The following SEC16B variants were observed in gnomAD, a reference collection of about 807,000 sequenced individuals.
SEC16B encodes SEC16 homolog B, endoplasmic reticulum export factor, also known as protein transport protein Sec16B.
SEC16B carries 115 observed loss-of-function variants against 141.8 expected under a neutral mutation model. That is an observed-to-expected ratio of 0.81 (90% CI 0.70 to 0.95). The LOEUF (loss-of-function observed/expected upper bound fraction) is 0.95. Among genes scored for constraint, SEC16B ranks in the 40% least tolerant of loss-of-function variants. The pLI, the probability that SEC16B is intolerant of heterozygous loss-of-function variation, is 0.00. For synonymous variants in SEC16B, 493 were observed against 492.5 expected, an observed-to-expected ratio of 1.00 and a Z score of -0.01; for missense variants, 1,291 against 1,312.3, an observed-to-expected ratio of 0.98 and a Z score of 0.25.
At chr1:177,960,974 C>A in intron 6 of SEC16B, 35 bp from the exon 7 acceptor site, 1 of 1,562,114 alleles carries the variant, frequency 6.4e-7, no homozygotes, top group Non-Finnish European at 8.7e-7. Context: ...ACATTGTTAG[C>A]GTTACTTCCA....
intron 11 of SEC16B, among the ~76,000 whole-genome samples, chr1:177,952,299 T>A (rs4652282): frequency 0.79 from 120,373 of 152,062 alleles, 48,488 homozygotes; most frequent in African/African-American, 0.95. Flanking sequence ...GAGATGACCC[T>A]CTGACATCTC....
At chr1:177,931,866 G>T (rs923928818) in intron 24 of SEC16B, among the ~76,000 whole-genome samples, 1 of 152,150 alleles carries the variant, frequency 6.6e-6, no homozygotes, top group Non-Finnish European at 1.5e-5. Flanking sequence ...AACTCATCAA[G>T]AATTTGTCAC....
intron 1 of SEC16B, chr1:177,984,083 G>C (rs1408019669): frequency 6.6e-6 from 1 of 152,166 alleles, no homozygotes; most frequent in South Asian, 2.1e-4. Flanking sequence ...TTCTGGTTGA[G>C]ACCAAATGCT....
chr1:177,978,812 A>C (rs185369211), intron 1 of SEC16B, among the ~76,000 whole-genome samples: 5 of 152,244 alleles, frequency 3.3e-5, no homozygotes, highest in African/African-American at 1.2e-4. Flanking sequence ...TTATCATAGC[A>C]GTTCATATTT....
At chr1:177,934,406 T>G (rs1159756682) in intron 20 of SEC16B, among the ~76,000 whole-genome samples, 5 of 152,356 alleles carry the variant, frequency 3.3e-5, no homozygotes, top group Non-Finnish European at 4.4e-5. Flanking sequence ...TGCCCTCTTC[T>G]GTTATATTTA....
chr1:177,942,212 A>G (rs573110017), intron 15 of SEC16B, among the ~76,000 whole-genome samples, 172 bp from the exon 16 acceptor site: 1 of 152,368 alleles, frequency 6.6e-6, no homozygotes, highest in African/African-American at 2.4e-5. Flanking sequence ...GCACAACTCC[A>G]AATCCAGCCT....
intron 19 of SEC16B, 123 bp downstream of exon 19, chr1:177,937,091 C>G: frequency 9.5e-7 from 1 of 1,056,250 alleles, no homozygotes; most frequent in African/African-American, 1.6e-5. Context: ...CACACATCCA[C>G]GCATCTGTGT....
At chr1:177,939,500 C>T (rs184081358) in intron 18 of SEC16B, among the ~76,000 whole-genome samples, 3 of 152,312 alleles carry the variant, frequency 2.0e-5, no homozygotes, top group Admixed American at 2.0e-4. Context: ...GAAGCTCAGA[C>T]TGAGGGAACT....
chr1:177,965,849 C>A, intron 3 of SEC16B, 44 bp downstream of exon 3: 1 of 1,250,428 alleles, frequency 8.0e-7, no homozygotes. Flanking sequence ...AGACCAGCTG[C>A]CCCATCCCCA....
intron 24 of SEC16B, 141 bp from the exon 25 acceptor site, chr1:177,930,784 A>G (rs767341040): frequency 1.9e-5 from 10 of 525,074 alleles, no homozygotes; most frequent in Non-Finnish European, 3.4e-5. Flanking sequence ...TCCAAAGGAC[A>G]TGAATATGCA....
Position 177,958,980 on chromosome 1 carries a change from A to G in SEC16B, c.999-5T>C, listed in dbSNP as rs776486163. 3.7e-5 allele frequency: 60 copies of G among 1,611,602 alleles called. No homozygotes were observed. The highest frequency in any genetic ancestry group is 5.0e-5 in the Non-Finnish European group (59 of 1,178,978). ...TCCACCTTATGTACATCTTCCCTAC[A>G]TGGAAAAAATTTAGGGAGCAAAGAG... On this transcript the variant is annotated splice_region_variant and splice_polypyrimidine_tract_variant and intron_variant, in intron 8 of 25. Coordinates refer to ENST00000308284, the MANE Select transcript of SEC16B (RefSeq NM_033127.4).
At chr1:177,971,438 T>C (rs1653947296), upstream of SEC16B, 1 of 152,118 alleles carries the variant, frequency 6.6e-6, no homozygotes, top group South Asian at 2.1e-4. Context: ...ATGGCTGCAC[T>C]GTTGTTTTTA....
Position 177,960,777 on chromosome 1 carries a change from T to C in SEC16B, c.936+14A>G, listed in dbSNP as rs199677138. On this transcript the variant is annotated intron_variant, in intron 7 of 25. Transcript: ENST00000308284. ...CAGTGTGCCAGCATTCCAGGGACACTGGGTCTTCTTTACCTCCATGCTGTG... is the reference window on the plus strand; with the variant it reads ...CAGTGTGCCAGCATTCCAGGGACACCGGGTCTTCTTTACCTCCATGCTGTG... 92 of 1,597,530 alleles carry C rather than the reference T, an allele frequency of 5.8e-5. No homozygotes were observed. In the Middle Eastern group the frequency reaches 2.9e-3, roughly 50 times the overall value.
At chr1:177,979,544 A>G (rs900301132) in intron 1 of SEC16B, among the ~76,000 whole-genome samples, 10 of 152,226 alleles carry the variant, frequency 6.6e-5, no homozygotes, top group African/African-American at 2.2e-4. Flanking sequence ...TAGCAGGACA[A>G]TTTCCATAGA....
chr1:177,974,614 C>G (rs1387543331), upstream of SEC16B, among the ~76,000 whole-genome samples: 1 of 152,074 alleles, frequency 6.6e-6, no homozygotes, highest in Non-Finnish European at 1.5e-5. Context: ...CTTAACGGAA[C>G]AATTTCAGTA....
Position 177,947,770 on chromosome 1 carries a change from G to GAGGTGAGGGGAGGGACAGGGAGGGA in SEC16B, c.1663+54_1663+55insTCCCTCCCTGTCCCTCCCCTCACCT. 15 of 1,035,428 alleles carry GAGGTGAGGGGAGGGACAGGGAGGGA rather than the reference G, an allele frequency of 1.4e-5. No individual in the cohort carries two copies. In the South Asian group the frequency reaches 2.1e-4, roughly 14 times the overall value. The allele number at this position is 1,035,428 out of a possible 1,614,324, so 64.1% of individuals were successfully genotyped here. A position where few individuals can be genotyped will look rare whatever the true frequency, so the allele number is the denominator to read the frequency against. ...GAGGTGAGGAAAGGGACAGGGAGGG[G>GAGGTGAGGGGAGGGACAGGGAGGGA]AGGGGAGGGAAGGGACAGGGAGGGG... On this transcript the variant is annotated intron_variant, in intron 13 of 25. Transcript: ENST00000308284.
rs1280355421 is a variant in SEC16B, at chr1:177,940,618, G to C, written c.2119C>G (p.Gln707Glu). 1.9e-6 allele frequency: 3 copies of C among 1,612,908 alleles called. No homozygotes were observed. The highest frequency in any genetic ancestry group is 1.7e-6 in the Non-Finnish European group (2 of 1,179,116). ...EPDWLAQLRRQLEQKVAGDIG... is the reference protein window; with the variant it reads ...EPDWLAQLRRELEQKVAGDIG... ...GCTCCAATCCCACTCACCTCCAGCT[G>C]CCTCCGAAGTTGCGCTAGCCAATCT... is the stretch of plus-strand genomic sequence containing the variant. The change falls in exon 17 of 26, where the codon CAG (glutamine) becomes GAG (glutamate). Residue 707 changes from glutamine (Q) to glutamate (E), a missense_variant. Transcript: ENST00000308284.
chr1:177,982,982 T>C (rs1222118115), intron 1 of SEC16B, among the ~76,000 whole-genome samples: 2 of 152,194 alleles, frequency 1.3e-5, no homozygotes, highest in Admixed American at 1.3e-4. Context: ...AACATTACAC[T>C]GTAAATGGGC....
Position 177,933,246 on chromosome 1 carries a change from C to T in SEC16B, c.2791G>A (p.Asp931Asn). Residue 931 changes from aspartate (D) to asparagine (N), a missense_variant, in exon 22 of 26, where the codon GAC becomes AAC. By Grantham distance (23) the Asp-to-Asn change is conservative. Transcript: ENST00000308284. Reference protein sequence around the residue: ...KPTKNASPAGDEDSSDSPDSE... With the variant: ...KPTKNASPAGNEDSSDSPDSE... ...TCAGGGCTGTCTGAGGAGTCCTCGT[C>T]TCCAGCGGGGGATGCGTTCTTGGTG... is the stretch of plus-strand genomic sequence containing the variant. 4 of 1,595,058 alleles carry T rather than the reference C, an allele frequency of 2.5e-6. No individual in the cohort carries two copies. The highest frequency in any genetic ancestry group is 3.4e-6 in the Non-Finnish European group (4 of 1,170,790).
Sources: gnomAD v4.1 joint callset for allele counts (sites outside exome capture counted in the v4.1 genomes callset) on GRCh38, gnomAD v4.1.1 for gene constraint, MANE v1.5 for transcripts, NCBI Gene and HGNC (gene_info 2026-07-23, HGNC 2026-07-21) for gene names.